Variants in BLNK observed in about 807,000 individuals in gnomAD.
The protein encoded by BLNK is B-cell linker protein.
A neutral mutation model predicts 73.5 loss-of-function variants in BLNK; 29 were observed. The ratio of observed to expected loss-of-function variants is 0.39; its 90% CI spans 0.29 to 0.54. BLNK has a LOEUF of 0.54. BLNK is among the 20% of genes least tolerant of loss of function. BLNK has a pLI of 0.61. For missense variants in BLNK, 460 were observed against 562.8 expected (o/e 0.82, Z 1.85); for synonymous variants, 176 against 200.8 (o/e 0.88, Z 1.04).
chr10:96,237,478 C>A (rs12765376), intron 3 of BLNK, among the ~76,000 whole-genome samples: 10 of 151,866 alleles, frequency 6.6e-5, no homozygotes, highest in Non-Finnish European at 1.0e-4. Context: ...CCATCAGAGC[C>A]CTGGACATCA....
rs367742561 is a variant in BLNK, at chr10:96,204,565, G to A, written c.869C>T (p.Ala290Val). The change falls in exon 12 of 17, where the codon GCT (alanine) becomes GTT (valine). Residue 290 changes from alanine to valine, a missense_variant. By Grantham distance (64) the Ala-to-Val change is moderately conservative. This residue lies in a region of BLNK where 233 missense variants were observed against 232.1 expected (regional missense o/e 1.00). Coordinates refer to ENST00000224337, the MANE Select transcript of BLNK (RefSeq NM_013314.4). The part of the protein sequence containing the change: ...RHRGSSHRQE[A>V]VQSPVFPPAQ... ...AGGAGGAAACACTGGTGACTGCACA[G>A]CTTCTTGTCTGTGACTTGACCCTCG... 2.6e-5 allele frequency: 42 copies of A among 1,613,930 alleles called. No homozygotes were observed. The highest frequency in any genetic ancestry group is 1.6e-4 in the Middle Eastern group (1 of 6,082).
rs71034364 is a variant in BLNK at position 96,194,768 on chromosome 10, A to ATTTTTTTTTTTT, written c.1251+2128_1251+2139dup. ...ATCACTAATCATCAGAGAAATGCAAATTTTTTTTTTTTTTTTTTTTGAGAC... is the reference window on the plus strand; with the variant it reads ...ATCACTAATCATCAGAGAAATGCAAATTTTTTTTTTTTTTTTTTTTTTTTTTTTTTTTGAGAC... On this transcript the variant is annotated intron_variant, in intron 16 of 16. Coordinates refer to ENST00000224337, the MANE Select transcript of BLNK (RefSeq NM_013314.4). 5.8e-4 allele frequency among the ~76,000 whole-genome samples: 64 copies of ATTTTTTTTTTTT among 110,272 alleles called. 1 individual carries two copies. Among genetic ancestry groups the ATTTTTTTTTTTT allele is most frequent in the African/African-American group, 1.7e-3 (53 of 31,320 alleles). The allele number at this position is 110,272 out of a possible 152,430, so 72.3% of individuals were successfully genotyped here. A position where few individuals can be genotyped will look rare whatever the true frequency, so the allele number is the denominator to read the frequency against.
chr10:96,207,074 C>T (rs587674568), intron 10 of BLNK, 21 bp from the exon 11 acceptor site: 2 of 1,603,928 alleles, frequency 1.2e-6, no homozygotes, highest in Admixed American at 1.7e-5. Context: ...GAAAAAAAGG[C>T]AAGGTTATTC....
chr10:96,203,542 G>T (rs1161849871), intron 13 of BLNK: 1 of 152,224 alleles, frequency 6.6e-6, no homozygotes, highest in African/African-American at 2.4e-5. Context: ...TACGTTCTGT[G>T]AGCCTGACTT....
intron 6 of BLNK, 114 bp from the exon 7 acceptor site, chr10:96,216,848 A>G: frequency 1.2e-6 from 1 of 862,226 alleles, no homozygotes; most frequent in African/African-American, 1.7e-5. Context: ...ATATCATAAA[A>G]TTCTACTATG....
At chr10:96,194,157 G>A (rs1419305416) in intron 16 of BLNK, among the ~76,000 whole-genome samples, 2 of 152,188 alleles carry the variant, frequency 1.3e-5, no homozygotes, top group Admixed American at 6.5e-5. Context: ...CCCTCAGGGA[G>A]TTCAAAATTT....
At chr10:96,235,764 C>A (rs1842666624) in intron 3 of BLNK, among the ~76,000 whole-genome samples, 1 of 152,086 alleles carries the variant, frequency 6.6e-6, no homozygotes, top group African/African-American at 2.4e-5. Flanking sequence ...AGGAGTGTGT[C>A]TTCCTCCATC....
chr10:96,259,094 G>A (rs1311636319), intron 1 of BLNK, among the ~76,000 whole-genome samples: 1 of 152,198 alleles, frequency 6.6e-6, no homozygotes, highest in Non-Finnish European at 1.5e-5. Context: ...GGATGATACA[G>A]GCTAACTTGT....
chr10:96,258,289 G>A (rs1008345024), intron 1 of BLNK, among the ~76,000 whole-genome samples: 12 of 152,186 alleles, frequency 7.9e-5, no homozygotes, highest in African/African-American at 2.7e-4. Context: ...CCTCAAGGTC[G>A]AGTTAGTGGC....
At chr10:96,252,634 C>G (rs1554909500) in intron 1 of BLNK, among the ~76,000 whole-genome samples, 1 of 152,186 alleles carries the variant, frequency 6.6e-6, no homozygotes, top group African/African-American at 2.4e-5. Context: ...TGAATTCAGA[C>G]TAACCTCTGC....
intron 13 of BLNK, among the ~76,000 whole-genome samples, chr10:96,202,929 C>A (rs1335874572): frequency 6.6e-6 from 1 of 152,168 alleles, no homozygotes; most frequent in Non-Finnish European, 1.5e-5. Flanking sequence ...CTTCTCAGAC[C>A]ATCCTGTCTA....
intron 3 of BLNK, among the ~76,000 whole-genome samples, chr10:96,234,892 A>G (rs12244299): frequency 0.018 from 2,770 of 152,360 alleles, 76 homozygotes; most frequent in African/African-American, 0.064. Context: ...GTGTGATTCC[A>G]TGGTCTCTGC....
At chr10:96,262,248 T>A (rs74153609) in intron 1 of BLNK, among the ~76,000 whole-genome samples, 4,242 of 152,242 alleles carry the variant, frequency 0.028, 200 homozygotes, top group African/African-American at 0.095. Flanking sequence ...CACTTAATGA[T>A]GTTTAATTTT....
At chr10:96,233,075 G>C (rs763426147) in intron 3 of BLNK, among the ~76,000 whole-genome samples, 2 of 152,154 alleles carry the variant, frequency 1.3e-5, no homozygotes, top group Admixed American at 6.5e-5. Context: ...AAAAGTGCTG[G>C]GATTACAGGC....
At chr10:96,250,702 G>A (rs1843248975) in intron 1 of BLNK, among the ~76,000 whole-genome samples, 1 of 152,182 alleles carries the variant, frequency 6.6e-6, no homozygotes, top group African/African-American at 2.4e-5. Context: ...TGCTGTGGAT[G>A]TAAATAAACA....
chr10:96,243,782 T>C (rs1297556226), intron 2 of BLNK, among the ~76,000 whole-genome samples: 1 of 152,230 alleles, frequency 6.6e-6, no homozygotes, highest in Non-Finnish European at 1.5e-5. Context: ...TTGTAAGTTC[T>C]GATACCTCCC....
intron 2 of BLNK, 49 bp downstream of exon 2, chr10:96,246,935 A>G (rs372674469): frequency 1.3e-4 from 180 of 1,385,054 alleles, no homozygotes; most frequent in Non-Finnish European, 1.7e-4. Context: ...CATGTAGCAC[A>G]TGTTGACTTA....
At chr10:96,192,902 A>G (rs1271541662) in intron 16 of BLNK, among the ~76,000 whole-genome samples, 1 of 152,234 alleles carries the variant, frequency 6.6e-6, no homozygotes, top group Non-Finnish European at 1.5e-5. Context: ...GTTTTACAAC[A>G]GTGCCATGAG....
In BLNK at chr10:96,190,363, A is replaced by C. The variant is rs1554893109; in HGVS notation, c.*1610T>G. 2 of 515,676 alleles carry C rather than the reference A, an allele frequency of 3.9e-6. No homozygotes were observed. Among genetic ancestry groups the C allele is most frequent in the Admixed American group, 3.2e-5 (1 of 31,676 alleles). The allele number at this position is 515,676 out of a possible 1,614,324, so 31.9% of individuals were successfully genotyped here. On this transcript the variant is annotated 3_prime_UTR_variant, in exon 17 of 17. Coordinates refer to ENST00000224337, the MANE Select transcript of BLNK (RefSeq NM_013314.4). ...CATATAGTCTTCTCTCTGTGCCTGC[A>C]TCCAAATTTCCTAATTTTATAAGGA...
Sources: gnomAD v4.1 joint callset for allele counts (sites outside exome capture counted in the v4.1 genomes callset) on GRCh38, gnomAD v4.1.1 for gene constraint, gnomAD v4.1.1 regional missense constraint, MANE v1.5 for transcripts, NCBI Gene and HGNC (gene_info 2026-07-23, HGNC 2026-07-21) for gene names.